HOOK1: variants seen among roughly 807,000 people sequenced by gnomAD.
HOOK1 encodes the protein protein Hook homolog 1.
HOOK1 carries 60 observed loss-of-function variants against 112.8 expected under a neutral mutation model. The observed-to-expected ratio is 0.53, with a 90% confidence interval of 0.43 to 0.66. The LOEUF (loss-of-function observed/expected upper bound fraction) is 0.66, where lower values mean the gene tolerates loss of function less well. HOOK1 is among the 30% of genes least tolerant of loss of function. HOOK1 has a pLI of 0.00. For synonymous variants in HOOK1, 294 were observed against 283.8 expected, an observed-to-expected ratio of 1.04 and a Z score of -0.36; for missense variants, 770 against 856.0, an observed-to-expected ratio of 0.90 and a Z score of 1.25.
chr1:59,821,398 T>C (rs961819243), intron 1 of HOOK1, among the ~76,000 whole-genome samples: 3 of 152,224 alleles, frequency 2.0e-5, no homozygotes, highest in Non-Finnish European at 2.9e-5. Flanking sequence ...TCCTGTCTTA[T>C]TTCAGAGCTC....
intron 2 of HOOK1, among the ~76,000 whole-genome samples, chr1:59,824,199 A>AG (rs1268243736): frequency 6.6e-6 from 1 of 150,954 alleles, no homozygotes; most frequent in Non-Finnish European, 1.5e-5. Context: ...AAGCACTTTA[A>AG]ATATGTTACA....
At chr1:59,858,834 G>A in intron 13 of HOOK1, 151 bp from the exon 14 acceptor site, 1 of 455,074 alleles carries the variant, frequency 2.2e-6, no homozygotes, top group Admixed American at 3.7e-5. Context: ...AGGAGGGAGG[G>A]GAGGGGAGGG....
At chr1:59,825,265 C>T (rs980410506) in intron 2 of HOOK1, among the ~76,000 whole-genome samples, 1 of 152,266 alleles carries the variant, frequency 6.6e-6, no homozygotes, top group Non-Finnish European at 1.5e-5. Flanking sequence ...TTTGATAGTA[C>T]AGAACAACTG....
chr1:59,821,743 G>T (rs1429655069), intron 1 of HOOK1, 115 bp from the exon 2 acceptor site: 3 of 689,404 alleles, frequency 4.4e-6, no homozygotes, highest in East Asian at 2.9e-5. Context: ...AACAAAACAG[G>T]ACCATGTTTT....
rs915847363 is a variant in HOOK1 at position 59,871,172 on chromosome 1, CA to C, written c.2016+64del. ...GTGTTTAAGCAAACTTTTTTTTGACCAAGTACAACATAAGAAAATATATTTT... is the reference window on the plus strand; with the variant it reads ...GTGTTTAAGCAAACTTTTTTTTGACCAGTACAACATAAGAAAATATATTTT... On this transcript the variant is annotated intron_variant, in intron 21 of 21. Transcript: ENST00000371208. The C allele has an allele frequency of 4.9e-6, 5 of 1,017,272 alleles. No individual in the cohort carries two copies. In the Admixed American group the frequency reaches 5.6e-5, roughly 11 times the overall value. 63.0% of individuals were successfully genotyped at this position (1,017,272 alleles called of 1,614,324 possible). A position where few individuals can be genotyped will look rare whatever the true frequency, so the allele number is the denominator to read the frequency against.
Position 59,871,052 on chromosome 1 carries a change from A to C in HOOK1, c.1958A>C (p.Lys653Thr), listed in dbSNP as rs755855335. The C allele has an allele frequency of 6.2e-7, 1 of 1,608,490 alleles. No individual in the cohort carries two copies. Among genetic ancestry groups the C allele is most frequent in the South Asian group, 1.1e-5 (1 of 90,790 alleles). Residue 653 changes from lysine (K) to threonine (T), a missense_variant, in exon 21 of 22, where the codon AAA (lysine) becomes ACA (threonine). Coordinates refer to ENST00000371208, the MANE Select transcript of HOOK1 (RefSeq NM_015888.6). The part of the protein sequence containing the change: ...RRIEILESEC[K>T]VAKFRDYEEK... The stretch of plus-strand genomic sequence containing the variant: ...ATATCTTTTTTCCAGAGTGAATGCA[A>C]AGTAGCAAAATTCCGTGATTATGAA...
At chr1:59,846,584 T>TCCCTCCC (rs879727101) in intron 9 of HOOK1, among the ~76,000 whole-genome samples, 1 of 89,616 alleles carries the variant, frequency 1.1e-5, no homozygotes, top group Non-Finnish European at 2.2e-5. Context: ...CCTTCCTTCC[T>TCCCTCCC]TCCTCCCTCC....
At chr1:59,833,641 C>T (rs1320913163) in intron 5 of HOOK1, 104 bp downstream of exon 5, 1 of 947,416 alleles carries the variant, frequency 1.1e-6, no homozygotes, top group Non-Finnish European at 1.5e-6. Context: ...GCAGAAAGCA[C>T]CCTGAAACGT....
chr1:59,859,752 G>A (rs1285472542), intron 14 of HOOK1, among the ~76,000 whole-genome samples: 1 of 151,652 alleles, frequency 6.6e-6, no homozygotes, highest in Non-Finnish European at 1.5e-5. Flanking sequence ...CCATTATAAG[G>A]TATATATTAA....
At chr1:59,818,616 T>C (rs569865203) in intron 1 of HOOK1, among the ~76,000 whole-genome samples, 3 of 152,374 alleles carry the variant, frequency 2.0e-5, no homozygotes, top group African/African-American at 7.2e-5. Context: ...TTAATATCTT[T>C]GGACCTTACT....
intron 2 of HOOK1, among the ~76,000 whole-genome samples, chr1:59,824,757 T>C (rs2098388623): frequency 6.6e-6 from 1 of 152,206 alleles, no homozygotes; most frequent in Non-Finnish European, 1.5e-5. Context: ...TTCTACAGTT[T>C]CTTAATTATT....
chr1:59,832,165 C>T lies in HOOK1; in HGVS notation c.225C>T (p.Ala75=), dbSNP rs1228340323. ...EDVGDNWRIK[A]SNVKKVLQGI... Reference sequence around the variant, plus strand: ...ATCTCTTATTTTTTTCACATTAGGCCAGTAATGTAAAGAAGGTCCTTCAAG... The same window carrying T: ...ATCTCTTATTTTTTTCACATTAGGCTAGTAATGTAAAGAAGGTCCTTCAAG... Residue 75 remains alanine, a splice_region_variant and synonymous_variant, in exon 4 of 22, where the codon GCC becomes GCT. Coordinates refer to ENST00000371208, the MANE Select transcript of HOOK1 (RefSeq NM_015888.6). 2 of 1,504,304 alleles carry T rather than the reference C, an allele frequency of 1.3e-6. No homozygotes were observed. Among genetic ancestry groups the T allele is most frequent in the Non-Finnish European group, 1.8e-6 (2 of 1,101,940 alleles). The allele number at this position is 1,504,304 out of a possible 1,614,324, so 93.2% of individuals were successfully genotyped here.
chr1:59,831,914 T>C (rs1345019806), intron 3 of HOOK1, among the ~76,000 whole-genome samples: 1 of 152,210 alleles, frequency 6.6e-6, no homozygotes, highest in African/African-American at 2.4e-5. Context: ...GACATGCCTG[T>C]GTATAAATTT....
rs1318066600 is a variant in HOOK1, at chr1:59,815,052, C to T, written c.-66C>T. Reference sequence around the variant, plus strand: ...GGCTAGCAGGTCGTGGACGCCGGCTCCTGGAGGAGAGCCGGTAGGAGGGAG... The same window carrying T: ...GGCTAGCAGGTCGTGGACGCCGGCTTCTGGAGGAGAGCCGGTAGGAGGGAG... On this transcript the variant is annotated 5_prime_UTR_variant, in exon 1 of 22. Transcript: ENST00000371208. 17 of 1,455,744 alleles carry T rather than the reference C, an allele frequency of 1.2e-5. No homozygotes were observed. Among genetic ancestry groups the T allele is most frequent in the East Asian group, 2.5e-5 (1 of 39,342 alleles). 90.2% of individuals were successfully genotyped at this position (1,455,744 alleles called of 1,614,324 possible).
At position 59,854,001 on chromosome 1, in the gene HOOK1, AATATATATATATATATAT is replaced by A. The variant is rs71046347; in HGVS notation, c.1243-4406_1243-4389del. Among the ~76,000 whole-genome samples, 23 of 25,698 alleles carry A rather than the reference AATATATATATATATATAT, an allele frequency of 9.0e-4. 1 individual carries two copies. The highest frequency in any genetic ancestry group is 3.5e-3 in the African/African-American group (23 of 6,544). 16.9% of individuals were successfully genotyped at this position (25,698 alleles called of 152,430 possible). ...AAGAGTTAAAAATACATTAATCTTAAATATATATATATATATATATATATATATATATATATATTTTTT... is the reference window on the plus strand; with the variant it reads ...AAGAGTTAAAAATACATTAATCTTAAATATATATATATATATATATTTTTT... On this transcript the variant is annotated intron_variant, in intron 12 of 21. Coordinates refer to ENST00000371208, the MANE Select transcript of HOOK1 (RefSeq NM_015888.6).
chr1:59,859,187 CA>C (rs1319556306), intron 14 of HOOK1, 142 bp downstream of exon 14: 2 of 333,678 alleles, frequency 6.0e-6, no homozygotes, highest in African/African-American at 4.3e-5. Flanking sequence ...CTTTCTAAAT[CA>C]TATTATTATT....
intron 20 of HOOK1, among the ~76,000 whole-genome samples, chr1:59,870,119 C>T (rs1254132021): frequency 2.0e-5 from 3 of 152,290 alleles, no homozygotes; most frequent in East Asian, 3.9e-4. Flanking sequence ...ATTGGATAAT[C>T]GCTGACATCT....
At chr1:59,861,207 T>C (rs2098413431) in intron 15 of HOOK1, among the ~76,000 whole-genome samples, 1 of 152,198 alleles carries the variant, frequency 6.6e-6, no homozygotes, top group Non-Finnish European at 1.5e-5. Flanking sequence ...CCACTGTGTC[T>C]GGCCCACCAG....
intron 2 of HOOK1, among the ~76,000 whole-genome samples, chr1:59,826,290 G>A (rs1300873446): frequency 6.6e-6 from 1 of 151,804 alleles, no homozygotes; most frequent in Non-Finnish European, 1.5e-5. Flanking sequence ...GCTAATTATT[G>A]GGTGCCAAGA....
Sources: allele counts gnomAD v4.1 joint callset (sites outside exome capture counted in the v4.1 genomes callset), GRCh38; gene constraint gnomAD v4.1.1; transcripts MANE v1.5; gene names NCBI Gene and HGNC (gene_info 2026-07-23, HGNC 2026-07-21).